Variants in ZNF331 observed in about 807,000 individuals in gnomAD.
ZNF331 encodes zinc finger protein 331.
Under a neutral mutation model 7.0 loss-of-function variants are expected in ZNF331, and 2 were observed. That is an observed-to-expected ratio of 0.29 (90% confidence interval 0.12 to 0.90). The LOEUF (loss-of-function observed/expected upper bound fraction) is 0.90. Ranked by LOEUF, ZNF331 falls within the 40% of genes least tolerant of loss-of-function variation. ZNF331 has a pLI of 0.58. For missense variants in ZNF331, 432 were observed against 587.7 expected (o/e 0.74, Z 2.74); for synonymous variants, 196 against 205.4 (o/e 0.95, Z 0.39).
intron 2 of ZNF331, among the ~76,000 whole-genome samples, chr19:53,546,380 C>T (rs567287161): frequency 2.6e-5 from 4 of 152,170 alleles, no homozygotes; most frequent in Non-Finnish European, 4.4e-5. Context: ...AGTAATTCCT[C>T]CCCAGGGGAT....
At chr19:53,527,749 A>T (rs62143891) in intron 2 of ZNF331, among the ~76,000 whole-genome samples, 7,464 of 152,294 alleles carry the variant, frequency 0.049, 221 homozygotes, top group East Asian at 0.14. Flanking sequence ...ACATGTGGAG[A>T]AGAGAGAGGC....
intron 3 of ZNF331, among the ~76,000 whole-genome samples, chr19:53,562,058 GA>G (rs2089918036): frequency 6.6e-6 from 1 of 152,176 alleles, no homozygotes; most frequent in Non-Finnish European, 1.5e-5. Flanking sequence ...TGAGGCAGGA[GA>G]ATTGCTTGAA....
intron 2 of ZNF331, 99 bp from the exon 3 acceptor site, chr19:53,555,746 C>T (rs2089352607): frequency 6.6e-6 from 1 of 152,170 alleles, no homozygotes; most frequent in African/African-American, 2.4e-5. Flanking sequence ...ACAGCGTGCT[C>T]TTCAGGAATC....
upstream of ZNF331, among the ~76,000 whole-genome samples, chr19:53,536,955 C>T (rs551799380): frequency 3.3e-4 from 50 of 152,242 alleles, no homozygotes; most frequent in African/African-American, 1.2e-3. Context: ...TTCTGGGTAA[C>T]GTCAGTGGAT....
upstream of ZNF331, among the ~76,000 whole-genome samples, chr19:53,537,003 C>T (rs1158235918): frequency 6.6e-6 from 1 of 152,310 alleles, no homozygotes; most frequent in East Asian, 1.9e-4. Context: ...GTATTATATA[C>T]TACAATCACC....
chr19:53,555,145 G>C (rs577113795), intron 2 of ZNF331: 4 of 153,502 alleles, frequency 2.6e-5, no homozygotes, highest in Non-Finnish European at 5.8e-5. Context: ...TGTAGCTCCA[G>C]CGTCTCTGTG....
At chr19:53,552,926 A>G (rs1234532891) in intron 2 of ZNF331, among the ~76,000 whole-genome samples, 1 of 152,132 alleles carries the variant, frequency 6.6e-6, no homozygotes, top group African/African-American at 2.4e-5. Flanking sequence ...ACTAGTGAGG[A>G]AACAAGCAGT....
upstream of ZNF331, among the ~76,000 whole-genome samples, chr19:53,518,229 C>T (rs1424307668): frequency 6.6e-6 from 1 of 152,184 alleles, no homozygotes; most frequent in East Asian, 1.9e-4. Flanking sequence ...TCTGCTTCTC[C>T]TGCCCTTGGA....
intron 3 of ZNF331, among the ~76,000 whole-genome samples, chr19:53,561,431 T>TTTTGTAATTA (rs1218944693): frequency 4.6e-5 from 7 of 152,096 alleles, no homozygotes; most frequent in African/African-American, 1.7e-4. Context: ...CATTACTGTT[T>TTTTGTAATTA]CTGGTCCTCG....
intron 3 of ZNF331, among the ~76,000 whole-genome samples, chr19:53,557,833 G>A (rs533001223): frequency 9.2e-5 from 14 of 152,216 alleles, no homozygotes; most frequent in African/African-American, 2.9e-4. Flanking sequence ...GTGTGGTGGC[G>A]CATGCCTGTA....
chr19:53,561,107 G>C (rs1350578767), intron 3 of ZNF331, among the ~76,000 whole-genome samples: 1 of 152,042 alleles, frequency 6.6e-6, no homozygotes, highest in Non-Finnish European at 1.5e-5. Flanking sequence ...GCAGTAAGCT[G>C]GGTTCACACC....
chr19:53,527,270 G>A (rs2087341056), intron 2 of ZNF331, among the ~76,000 whole-genome samples: 1 of 152,172 alleles, frequency 6.6e-6, no homozygotes, highest in Non-Finnish European at 1.5e-5. Context: ...GAAGGTGCTG[G>A]TACCTTGTAG....
rs761762021 is a variant in ZNF331 at position 53,559,167 on chromosome 19, T to TAC, written c.-74+3264_-74+3265dup. Among the ~76,000 whole-genome samples the TAC allele has an allele frequency of 4.3e-4, 60 of 139,266 alleles. No individual in the cohort carries two copies. The Middle Eastern group carries it at 0.021, about 48-fold the overall frequency. 91.4% of individuals were successfully genotyped at this position (139,266 alleles called of 152,430 possible). On this transcript the variant is annotated intron_variant, in intron 3 of 5. Coordinates refer to ENST00000449416, the MANE Select transcript of ZNF331 (RefSeq NM_001079906.2). ...ACACACATATACACACCTACATATA[T>TAC]ACACACCATACATATACAAACACAC...
chr19:53,550,119 G>A (rs1187424001), intron 2 of ZNF331, among the ~76,000 whole-genome samples: 1 of 152,174 alleles, frequency 6.6e-6, no homozygotes, highest in Non-Finnish European at 1.5e-5. Context: ...GTCAGTCATT[G>A]TAAATTTCTT....
At chr19:53,525,201 T>C (rs913765452) in intron 2 of ZNF331, among the ~76,000 whole-genome samples, 2 of 152,228 alleles carry the variant, frequency 1.3e-5, no homozygotes, top group Non-Finnish European at 2.9e-5. Flanking sequence ...GGTAGTGTGA[T>C]GCCTCCAGCT....
At chr19:53,532,033 G>A (rs2087562642) in intron 2 of ZNF331, among the ~76,000 whole-genome samples, 2 of 151,796 alleles carry the variant, frequency 1.3e-5, no homozygotes, top group Non-Finnish European at 2.9e-5. Flanking sequence ...ACAACATTAT[G>A]TTTTGATATG....
chr19:53,526,622 G>T lies in ZNF331; in HGVS notation c.-205+3938G>T, dbSNP rs2050595226. On this transcript the variant is annotated intron_variant, in intron 2 of 6. Transcript: ENST00000253144. ...GGCTGGAGTGCAGTGGTGCGATCTT[G>T]GCTCACTGCAAGCTCCGCCTCCCAG... 2.0e-5 allele frequency among the ~76,000 whole-genome samples: 3 copies of T among 150,598 alleles called. No homozygotes were observed. The South Asian group carries it at 6.3e-4, about 32-fold the overall frequency.
chr19:53,573,817 CA>C lies in ZNF331; in HGVS notation c.136+2095del, dbSNP rs2090576190. ...GTTATAAATTTGATTAATACTCAAT[CA>C]AAAAAAATTTAAGGCCAGGCATGGT... On this transcript the variant is annotated intron_variant, in intron 5 of 5. Coordinates refer to ENST00000449416, the MANE Select transcript of ZNF331 (RefSeq NM_001079906.2). This position sits in a 1 kb window ranked among gnomAD's most constrained non-coding sequence, Gnocchi z 4.2. Among the ~76,000 whole-genome samples, 1 of 151,804 alleles carries C rather than the reference CA, an allele frequency of 6.6e-6. No individual in the cohort carries two copies. Among genetic ancestry groups the C allele is most frequent in the African/African-American group, 2.4e-5 (1 of 41,334 alleles).
chr19:53,552,185 C>G lies in ZNF331; in HGVS notation c.-137-3660C>G, dbSNP rs10418259. 3.3e-3 allele frequency among the ~76,000 whole-genome samples: 509 copies of G among 152,212 alleles called. 5 individuals carry two copies. Among genetic ancestry groups the G allele is most frequent in the African/African-American group, 0.012 (479 of 41,532 alleles). On this transcript the variant is annotated intron_variant, in intron 2 of 5. Coordinates refer to ENST00000449416, the MANE Select transcript of ZNF331 (RefSeq NM_001079906.2). ...CATGATTCATCCTCTTGCTAATGTT[C>G]CCAGTTTGGCATCTTCTAAGATCAT...
Sources: gnomAD v4.1 joint callset for allele counts (sites outside exome capture counted in the v4.1 genomes callset) on GRCh38, gnomAD v4.1.1 for gene constraint, Gnocchi (gnomAD v3.1) non-coding constraint, MANE v1.5 for transcripts, NCBI Gene and HGNC (gene_info 2026-07-23, HGNC 2026-07-21) for gene names.